Variants in RUFY4 observed in about 807,000 individuals in gnomAD.
RUFY4 encodes the protein RUN and FYVE domain-containing protein 4.
RUFY4 carries 73 observed loss-of-function variants against 69.0 expected under a neutral mutation model. The observed-to-expected ratio is 1.06, with a 90% CI of 0.88 to 1.29. RUFY4 has a LOEUF of 1.29. Ranked by LOEUF, RUFY4 falls within the 50% of genes most tolerant of loss-of-function variation. The pLI, the probability that RUFY4 is intolerant of heterozygous loss-of-function variation, is 0.00. For missense variants in RUFY4, 770 were observed against 705.6 expected (o/e 1.09, Z -1.03); for synonymous variants, 287 against 271.8 (o/e 1.06, Z -0.55).
intron 2 of RUFY4, among the ~76,000 whole-genome samples, chr2:218,045,828 G>A (rs954435070): frequency 6.1e-5 from 9 of 148,502 alleles, no homozygotes; most frequent in South Asian, 2.1e-4. Flanking sequence ...TTTTTGAGGC[G>A]GAGTCTCGCT....
At chr2:218,068,224 G>T, upstream of RUFY4, among the ~76,000 whole-genome samples, 1 of 90,074 alleles carries the variant, frequency 1.1e-5, no homozygotes, top group East Asian at 4.3e-4. Context: ...ATGGCAGGGG[G>T]TTAGAGGAGG....
At chr2:218,067,601 C>T (rs1410212453), upstream of RUFY4, among the ~76,000 whole-genome samples, 1 of 152,192 alleles carries the variant, frequency 6.6e-6, no homozygotes, top group African/African-American at 2.4e-5. Flanking sequence ...AGCTTGTTCC[C>T]CACAGTTAGA....
Position 218,060,634 on chromosome 2 carries a change from C to A in RUFY4, c.-1071+1953C>A, listed in dbSNP as rs147082794. 7.9e-5 allele frequency: 107 copies of A among 1,358,238 alleles called. No individual in the cohort carries two copies. The African/African-American group carries it at 1.4e-3, about 18-fold the overall frequency. 84.1% of individuals were successfully genotyped at this position (1,358,238 alleles called of 1,614,324 possible). On this transcript the variant is annotated intron_variant and NMD_transcript_variant, in intron 3 of 13. Coordinates refer to the RUFY4 transcript ENST00000457754. The stretch of plus-strand genomic sequence containing the variant: ...CAGGACCAGGTTGTAGGGCAGCCAG[C>A]AGAGCAGGAAAATGAGGACAACAGC...
At chr2:218,059,031 C>T (rs1689125372) in intron 3 of RUFY4, 1 of 152,158 alleles carries the variant, frequency 6.6e-6, no homozygotes, top group South Asian at 2.1e-4. Context: ...TACGACACAA[C>T]AAATAACAAA....
intron 2 of RUFY4, among the ~76,000 whole-genome samples, chr2:218,057,434 C>T (rs1030160981): frequency 1.3e-5 from 2 of 152,206 alleles, no homozygotes; most frequent in Admixed American, 6.5e-5. Context: ...ATTACACATG[C>T]TGTTCTACCT....
Position 218,058,971 on chromosome 2 carries a change from G to A in RUFY4, c.-1071+290G>A, listed in dbSNP as rs139352377. On this transcript the variant is annotated intron_variant and NMD_transcript_variant, in intron 3 of 13. Coordinates refer to the RUFY4 transcript ENST00000457754. ...GGTCTGCAGCAGGAAGCTTGGGTTG[G>A]GGATGAGGGGATGCAAGGCTGGGCT... is the stretch of plus-strand genomic sequence containing the variant. Among the ~76,000 whole-genome samples the A allele has an allele frequency of 6.4e-3, 974 of 152,248 alleles. 5 individuals are homozygous for A. Among genetic ancestry groups the A allele is most frequent in the Middle Eastern group, 0.031 (9 of 294 alleles).
At position 218,075,721 on chromosome 2, in the gene RUFY4, C is replaced by A. The variant is rs758621621; in HGVS notation, c.1229C>A (p.Ser410Tyr). 4.8e-6 allele frequency: 7 copies of A among 1,447,202 alleles called. No homozygotes were observed. In the African/African-American group the frequency reaches 7.1e-5, roughly 15 times the overall value. The allele number at this position is 1,447,202 out of a possible 1,614,324, so 89.6% of individuals were successfully genotyped here. ...AGAAGGGAGGAGCAAGCCGAGGTGTCCCTGCAGGACGAGATCAAGGTGAGA... is the reference window on the plus strand; with the variant it reads ...AGAAGGGAGGAGCAAGCCGAGGTGTACCTGCAGGACGAGATCAAGGTGAGA... Residue 410 changes from serine to tyrosine, a missense_variant, in exon 7 of 11, where the codon TCC (serine) becomes TAC (tyrosine). By Grantham distance (144) the Ser-to-Tyr change is moderately radical. Coordinates refer to ENST00000344321, the Ensembl canonical transcript of RUFY4.
At chr2:218,079,937 G>A (rs144425553) in intron 8 of RUFY4, among the ~76,000 whole-genome samples, 9 of 152,268 alleles carry the variant, frequency 5.9e-5, no homozygotes, top group Admixed American at 5.9e-4. Flanking sequence ...ACAAAGGCAG[G>A]GAAGGGCGCG....
chr2:218,062,331 A>G (rs1325093795), intron 3 of RUFY4, among the ~76,000 whole-genome samples: 3 of 149,966 alleles, frequency 2.0e-5, no homozygotes, highest in Non-Finnish European at 3.0e-5. Context: ...GCGTGAACCC[A>G]GGAGGCGGAG....
At chr2:218,049,465 G>A (rs950054897) in intron 2 of RUFY4, among the ~76,000 whole-genome samples, 2 of 151,502 alleles carry the variant, frequency 1.3e-5, no homozygotes, top group African/African-American at 4.8e-5. Context: ...ATGTATTGGA[G>A]CCCCTTCATA....
intron 8 of RUFY4, among the ~76,000 whole-genome samples, chr2:218,078,412 G>A (rs146112178): frequency 1.3e-5 from 2 of 152,118 alleles, no homozygotes; most frequent in East Asian, 3.9e-4. Context: ...GATGGAGGAC[G>A]GGCAGGGCAG....
chr2:218,074,877 C>G (rs992908632), intron 6 of RUFY4, among the ~76,000 whole-genome samples: 1 of 152,146 alleles, frequency 6.6e-6, no homozygotes, highest in Non-Finnish European at 1.5e-5. Context: ...AGAAGGACAT[C>G]AGGATGTCCC....
exon 7 of RUFY4, chr2:218,075,615 T>G (rs1574512508): frequency 1.3e-6 from 2 of 1,522,122 alleles, no homozygotes; most frequent in Non-Finnish European, 1.8e-6. Context: ...GGGGGAGCCC[T>G]GGGTCCTTCA....
At chr2:218,079,542 C>T (rs1226791070) in intron 8 of RUFY4, among the ~76,000 whole-genome samples, 2 of 152,030 alleles carry the variant, frequency 1.3e-5, no homozygotes, top group African/African-American at 2.4e-5. Context: ...AGACGGGAGC[C>T]GCTGGGCAAG....
exon 11 of RUFY4, chr2:218,090,359 T>C (rs1690004044): frequency 3.4e-6 from 1 of 291,982 alleles, no homozygotes; most frequent in South Asian, 3.4e-5. Context: ...TCCATGACTG[T>C]GGATAAGACC....
intron 8 of RUFY4, among the ~76,000 whole-genome samples, chr2:218,081,006 C>T (rs1574516231): frequency 6.6e-6 from 1 of 152,214 alleles, no homozygotes; most frequent in South Asian, 2.1e-4. Flanking sequence ...ATTGTGAAAA[C>T]TAAATGAATG....
intron 2 of RUFY4, among the ~76,000 whole-genome samples, chr2:218,054,073 T>C (rs1403402724): frequency 6.6e-6 from 1 of 152,240 alleles, no homozygotes; most frequent in African/African-American, 2.4e-5. Flanking sequence ...CTCATTTTTG[T>C]CTTAAAATGC....
chr2:218,076,326 C>T (rs1241937573), intron 7 of RUFY4, 101 bp from the exon 10 acceptor site: 2 of 1,464,016 alleles, frequency 1.4e-6, no homozygotes, highest in South Asian at 2.8e-5. Context: ...CCTGCCAGGG[C>T]ATGGCCTGGG....
intron 7 of RUFY4, 23 bp from the exon 10 acceptor site, chr2:218,076,401 CCTT>C: frequency 6.5e-7 from 1 of 1,547,364 alleles, no homozygotes; most frequent in Non-Finnish European, 8.7e-7. Context: ...CCTTCAGCCT[CCTT>C]CTCCCCTCCT....
Sources: gnomAD v4.1 joint callset for allele counts (sites outside exome capture counted in the v4.1 genomes callset) on GRCh38, gnomAD v4.1.1 for gene constraint, MANE v1.5 for transcripts, NCBI Gene and HGNC (gene_info 2026-07-23, HGNC 2026-07-21) for gene names.